Variants in DMD observed in about 807,000 individuals in gnomAD.
DMD encodes dystrophin.
Under a neutral mutation model 330.1 loss-of-function variants are expected in DMD, and 63 were observed. The observed-to-expected ratio is 0.19, with a 90% confidence interval of 0.16 to 0.24. DMD has a LOEUF of 0.24. Ranked by LOEUF, DMD falls within the 10% of genes least tolerant of loss-of-function variation. The pLI is 1.00. For synonymous variants in DMD, 1,223 were observed against 959.8 expected (o/e 1.27, Z -5.07); for missense variants, 3,344 against 2,684.1 (o/e 1.25, Z -5.43).
At chrX:32,815,520 T>TATATATATATATATATATACACACAC in intron 6 of DMD, among the ~76,000 whole-genome samples, 105 of 78,838 alleles carry the variant, frequency 1.3e-3, no homozygotes, top group African/African-American at 5.1e-3. Flanking sequence ...TATATATATA[T>TATATATATATATATATATACACACAC]ACACACACAC....
At position 32,252,663 on chromosome X, in the gene DMD, AATAT is replaced by A. The variant is rs1193368413; in HGVS notation, c.6290+34862_6290+34865del. Among the ~76,000 whole-genome samples the A allele has an allele frequency of 3.7e-4, 15 of 40,361 alleles. 1 individual carries two copies. Among genetic ancestry groups the A allele is most frequent in the African/African-American group, 1.0e-3 (7 of 6,928 alleles). 35.0% of individuals were successfully genotyped at this position (40,361 alleles called of 115,157 possible). A position where few individuals can be genotyped will look rare whatever the true frequency, so the allele number is the denominator to read the frequency against. On this transcript the variant is annotated intron_variant, in intron 43 of 78. Transcript: ENST00000357033. Reference sequence around the variant, plus strand: ...AAATATATATAAATACAAATATATAAATATATATATATAAATATATAAATATATA... The same window carrying A: ...AAATATATATAAATACAAATATATAAATATATATAAATATATAAATATATA...
At chrX:31,134,069 A>G in intron 77 of DMD, 33 bp downstream of exon 77, 1 of 1,176,204 alleles carries the variant, frequency 8.5e-7, no homozygotes, top group South Asian at 1.8e-5. Flanking sequence ...TGATCCCAGC[A>G]AATCTGAGTC....
intron 44 of DMD, among the ~76,000 whole-genome samples, chrX:32,095,581 A>G (rs1255838542): frequency 8.9e-6 from 1 of 112,362 alleles, no homozygotes; most frequent in East Asian, 2.8e-4. Flanking sequence ...ACTGGCAACA[A>G]TAATTCACAT....
intron 9 of DMD, among the ~76,000 whole-genome samples, chrX:32,673,461 T>G (rs2061761244): frequency 8.9e-6 from 1 of 111,774 alleles, no homozygotes; most frequent in African/African-American, 3.2e-5. Context: ...TATAGCTTTG[T>G]CTGAAGAAGC....
At chrX:32,783,926 A>AGAT (rs1444513634) in intron 7 of DMD, among the ~76,000 whole-genome samples, 4 of 108,052 alleles carry the variant, frequency 3.7e-5, no homozygotes, top group African/African-American at 1.3e-4. Flanking sequence ...CCAACTTAAA[A>AGAT]GATAGATTTA....
In DMD at chrX:31,679,461, A is replaced by G; in HGVS notation, c.7786T>C (p.Leu2596=). Residue 2596 remains leucine, a synonymous_variant, in exon 53 of 79, where the codon TTA becomes CTA. Coordinates refer to ENST00000357033, the MANE Select transcript of DMD (RefSeq NM_004006.3). ...TCAAGCTTGGCTCTGGCCTGTCCTAAGACCTGCTCAGCTTCTTCCTTAGCT... is the reference window on the plus strand; with the variant it reads ...TCAAGCTTGGCTCTGGCCTGTCCTAGGACCTGCTCAGCTTCTTCCTTAGCT... ...LEAKEEAEQV[L]GQARAKLESW... 8.3e-7 allele frequency: 1 copy of G among 1,211,853 alleles called. No homozygotes were observed. The highest frequency in any genetic ancestry group is 1.1e-6 in the Non-Finnish European group (1 of 895,457).
intron 45 of DMD, among the ~76,000 whole-genome samples, chrX:31,943,172 C>T (rs1018326052): frequency 1.8e-5 from 2 of 112,365 alleles, no homozygotes; most frequent in African/African-American, 6.5e-5. Flanking sequence ...CCCACAAAGC[C>T]AAAGGCATTT....
At chrX:32,463,361 A>G (rs774438230) in intron 25 of DMD, 78 bp downstream of exon 25, 2 of 983,547 alleles carry the variant, frequency 2.0e-6, no homozygotes, top group South Asian at 5.9e-5. Flanking sequence ...CTTAACCAAA[A>G]GTAACGGTGA....
chrX:32,090,625 T>G (rs2096468037), intron 44 of DMD, among the ~76,000 whole-genome samples: 1 of 112,016 alleles, frequency 8.9e-6, no homozygotes, highest in African/African-American at 3.2e-5. Flanking sequence ...TGATCATCGC[T>G]CTCTAATTCT....
chrX:31,454,146 C>CA (rs1436749025), intron 59 of DMD, among the ~76,000 whole-genome samples: 2 of 110,127 alleles, frequency 1.8e-5, no homozygotes, highest in Non-Finnish European at 3.8e-5. Flanking sequence ...TGAAGTTTTA[C>CA]TTTTTTTTTG....
chrX:31,705,613 T>C (rs1353205048), intron 52 of DMD, among the ~76,000 whole-genome samples: 1 of 112,776 alleles, frequency 8.9e-6, no homozygotes, highest in Non-Finnish European at 1.9e-5. Flanking sequence ...CTTGCTTGGC[T>C]TTTCTAGCTT....
intron 7 of DMD, among the ~76,000 whole-genome samples, chrX:32,736,143 C>A (rs1298344330): frequency 8.9e-6 from 1 of 112,282 alleles, no homozygotes; most frequent in Admixed American, 9.4e-5. Flanking sequence ...GACATTTATG[C>A]AGCCAAAAGA....
chrX:32,175,514 T>C (rs1298883256), intron 44 of DMD, among the ~76,000 whole-genome samples: 1 of 110,853 alleles, frequency 9.0e-6, no homozygotes, highest in Non-Finnish European at 1.9e-5. Flanking sequence ...TAAATCTTGC[T>C]GCTGCTCGCT....
chrX:31,601,621 A>G (rs1037109838), intron 55 of DMD, among the ~76,000 whole-genome samples: 1 of 112,002 alleles, frequency 8.9e-6, no homozygotes, highest in Non-Finnish European at 1.9e-5. Flanking sequence ...GGGAGCTTGC[A>G]GGAAATTTTC....
At chrX:31,182,103 T>C in intron 68 of DMD, among the ~76,000 whole-genome samples, 1 of 112,642 alleles carries the variant, frequency 8.9e-6, no homozygotes, top group Non-Finnish European at 1.9e-5. Flanking sequence ...TCTAAATGTA[T>C]AAGGACTGGT....
chrX:31,179,213 T>C (rs761373430), intron 69 of DMD, among the ~76,000 whole-genome samples: 6 of 112,627 alleles, frequency 5.3e-5, no homozygotes, highest in South Asian at 7.3e-4. Context: ...ACCCACTAAA[T>C]TTCGGTCTAT....
intron 29 of DMD, among the ~76,000 whole-genome samples, chrX:32,424,031 T>G (rs1169577742): frequency 2.7e-5 from 3 of 111,052 alleles, no homozygotes; most frequent in African/African-American, 9.8e-5. Context: ...TTGAGTTTAT[T>G]ATCTATGTGT....
At chrX:32,302,231 G>A (rs1199086725) in intron 42 of DMD, among the ~76,000 whole-genome samples, 2 of 111,027 alleles carry the variant, frequency 1.8e-5, no homozygotes, top group Non-Finnish European at 3.8e-5. Context: ...TATAAAATAG[G>A]TCTTGTGTTC....
intron 54 of DMD, among the ~76,000 whole-genome samples, chrX:31,645,872 C>T (rs981462744): frequency 8.9e-6 from 1 of 111,899 alleles, no homozygotes; most frequent in Non-Finnish European, 1.9e-5. Flanking sequence ...GAAGTCTGTT[C>T]GCTTTGATTT....
Sources: allele counts gnomAD v4.1 joint callset (sites outside exome capture counted in the v4.1 genomes callset), GRCh38; gene constraint gnomAD v4.1.1; transcripts MANE v1.5; gene names NCBI Gene and HGNC (gene_info 2026-07-23, HGNC 2026-07-21).